LHFPL3: variants seen among roughly 807,000 people sequenced by gnomAD.
The protein encoded by LHFPL3 is LHFPL tetraspan subfamily member 3 protein.
A neutral mutation model predicts 19.3 loss-of-function variants in LHFPL3; 5 were observed. That is an observed-to-expected ratio of 0.26 (90% CI 0.14 to 0.54). The LOEUF (loss-of-function observed/expected upper bound fraction) is 0.54, where lower values mean the gene tolerates loss of function less well. Ranked by LOEUF, LHFPL3 falls within the 20% of genes least tolerant of loss-of-function variation. The probability of loss-of-function intolerance (pLI) is 0.94; values close to 1 mark genes in which losing one functional copy is unlikely to be tolerated. For missense variants in LHFPL3, 249 were observed against 307.4 expected (o/e 0.81, Z 1.42); for synonymous variants, 133 against 126.2 (o/e 1.05, Z -0.36).
At chr7:104,482,070 GC>G (rs890679125) in intron 1 of LHFPL3, among the ~76,000 whole-genome samples, 4 of 152,116 alleles carry the variant, frequency 2.6e-5, no homozygotes, top group Non-Finnish European at 5.9e-5. Flanking sequence ...CTCAGAGGTG[GC>G]CTGTGACTGG....
intron 2 of LHFPL3, among the ~76,000 whole-genome samples, chr7:104,893,804 T>C (rs1792299277): frequency 6.6e-6 from 1 of 151,742 alleles, no homozygotes; most frequent in Non-Finnish European, 1.5e-5. Flanking sequence ...ATGCAAAAAT[T>C]AGCCAGGCAT....
intron 2 of LHFPL3, among the ~76,000 whole-genome samples, chr7:104,800,720 C>T (rs548497120): frequency 5.9e-5 from 9 of 152,290 alleles, no homozygotes; most frequent in Middle Eastern, 3.4e-3. Flanking sequence ...CTTAGTGACC[C>T]AGCTCCTTTC....
At chr7:104,475,113 A>AC (rs1273395808) in intron 1 of LHFPL3, among the ~76,000 whole-genome samples, 1 of 152,216 alleles carries the variant, frequency 6.6e-6, no homozygotes, top group African/African-American at 2.4e-5. Flanking sequence ...CATATTTAAA[A>AC]CACCGCTTGT....
intron 1 of LHFPL3, among the ~76,000 whole-genome samples, chr7:104,499,392 A>G (rs1584361893): frequency 1.3e-5 from 2 of 152,238 alleles, no homozygotes; most frequent in Non-Finnish European, 2.9e-5. Flanking sequence ...TGCATTGTTT[A>G]CATTTTTGTT....
intron 1 of LHFPL3, among the ~76,000 whole-genome samples, chr7:104,458,725 TAA>T (rs56023324): frequency 3.5e-5 from 5 of 143,090 alleles, no homozygotes; most frequent in African/African-American, 1.0e-4. Context: ...CTTTCTTTCT[TAA>T]AAAAAAAAAA....
chr7:104,458,515 G>A (rs1162007385), intron 1 of LHFPL3, among the ~76,000 whole-genome samples: 21 of 152,046 alleles, frequency 1.4e-4, no homozygotes, highest in Non-Finnish European at 2.9e-5. Context: ...TTTGGTTACT[G>A]TAGCCTTGTA....
intron 2 of LHFPL3, among the ~76,000 whole-genome samples, chr7:104,903,660 TTCGCC>T (rs1792537565): frequency 6.6e-6 from 1 of 152,118 alleles, no homozygotes; most frequent in Non-Finnish European, 1.5e-5. Flanking sequence ...GAGATGGGTT[TTCGCC>T]ATATTGACCA....
intron 1 of LHFPL3, among the ~76,000 whole-genome samples, chr7:104,430,164 C>T (rs889536966): frequency 1.5e-4 from 23 of 151,192 alleles, no homozygotes; most frequent in African/African-American, 5.3e-4. Flanking sequence ...CATCCTTAGT[C>T]TTTGTCCTGT....
At chr7:104,462,147 G>C (rs116057969) in intron 1 of LHFPL3, among the ~76,000 whole-genome samples, 15 of 152,146 alleles carry the variant, frequency 9.9e-5, no homozygotes, top group African/African-American at 3.6e-4. Flanking sequence ...TTTAAGCCAA[G>C]ACTATGGGGT....
intron 1 of LHFPL3, among the ~76,000 whole-genome samples, chr7:104,712,906 C>G (rs1793322360): frequency 6.6e-6 from 1 of 152,066 alleles, no homozygotes; most frequent in Non-Finnish European, 1.5e-5. Context: ...CAATTTGTCC[C>G]AAATAAAAAT....
At chr7:104,753,261 C>T (rs1794212130) in intron 2 of LHFPL3, among the ~76,000 whole-genome samples, 1 of 152,120 alleles carries the variant, frequency 6.6e-6, no homozygotes, top group Non-Finnish European at 1.5e-5. Context: ...TCCAAAAGTC[C>T]ACTTCTAAAT....
intron 2 of LHFPL3, among the ~76,000 whole-genome samples, chr7:104,755,718 G>A (rs983777903): frequency 4.6e-5 from 7 of 152,110 alleles, no homozygotes; most frequent in African/African-American, 1.4e-4. Flanking sequence ...GTTTTGAGAT[G>A]GAGTTTCACT....
At chr7:104,407,235 C>G (rs1489215840) in intron 1 of LHFPL3, among the ~76,000 whole-genome samples, 1 of 152,128 alleles carries the variant, frequency 6.6e-6, no homozygotes, top group African/African-American at 2.4e-5. Flanking sequence ...AAAACATAAC[C>G]CCGTCTTTAA....
chr7:104,567,399 G>GATGA (rs1790144552), intron 1 of LHFPL3, among the ~76,000 whole-genome samples: 1 of 152,228 alleles, frequency 6.6e-6, no homozygotes, highest in South Asian at 2.1e-4. Context: ...ATTCACTTTG[G>GATGA]ATATACCCAT....
chr7:104,587,882 AT>A (rs1175272392), intron 1 of LHFPL3, among the ~76,000 whole-genome samples: 2 of 152,104 alleles, frequency 1.3e-5, no homozygotes, highest in Non-Finnish European at 2.9e-5. Flanking sequence ...GATGATGAGC[AT>A]TTTTTCACAT....
At chr7:104,471,617 T>C (rs1485864539) in intron 1 of LHFPL3, among the ~76,000 whole-genome samples, 3 of 152,178 alleles carry the variant, frequency 2.0e-5, no homozygotes, top group African/African-American at 7.2e-5. Context: ...ATAGAAACCT[T>C]GGTGAATCTC....
chr7:104,403,989 C>T (rs1313972979), intron 1 of LHFPL3, among the ~76,000 whole-genome samples: 1 of 152,196 alleles, frequency 6.6e-6, no homozygotes, highest in East Asian at 1.9e-4. Context: ...TTTATTGGAA[C>T]ACAGCCATGC....
intron 1 of LHFPL3, among the ~76,000 whole-genome samples, chr7:104,349,215 T>C (rs1467396957): frequency 1.3e-5 from 2 of 152,228 alleles, no homozygotes; most frequent in Non-Finnish European, 2.9e-5. Flanking sequence ...CTTCAAAATA[T>C]AGCAGCATCA....
rs1232829914 is a variant in LHFPL3 at position 104,619,869 on chromosome 7, AG to A, written c.446-116801del. On this transcript the variant is annotated intron_variant, in intron 1 of 2. Transcript: ENST00000424859. ...CCACAGATGGGGCAGGTGGGGCAGC[AG>A]GGGGCGGGAATGGTTTCGGGATGAA... is the stretch of plus-strand genomic sequence containing the variant. Among the ~76,000 whole-genome samples the A allele has an allele frequency of 2.0e-5, 3 of 152,112 alleles. No homozygotes were observed. The East Asian group carries it at 5.8e-4, about 29-fold the overall frequency.
Sources: allele counts gnomAD v4.1 joint callset (sites outside exome capture counted in the v4.1 genomes callset), GRCh38; gene constraint gnomAD v4.1.1; transcripts MANE v1.5; gene names NCBI Gene and HGNC (gene_info 2026-07-23, HGNC 2026-07-21).